Variants in ACSS1 observed in about 807,000 individuals in gnomAD.
The protein encoded by ACSS1 is acetyl-coenzyme A synthetase 2-like, mitochondrial.
ACSS1 carries 42 observed loss-of-function variants against 75.3 expected under a neutral mutation model. That is an observed-to-expected ratio of 0.56 (90% confidence interval 0.44 to 0.72). ACSS1 has a LOEUF of 0.72. ACSS1 is among the 30% of genes least tolerant of loss of function. The pLI is 0.00. For synonymous variants in ACSS1, 380 were observed against 376.8 expected, an observed-to-expected ratio of 1.01 and a Z score of -0.10; for missense variants, 782 against 935.7, an observed-to-expected ratio of 0.84 and a Z score of 2.14.
chr20:25,033,582 C>G (rs552640188), intron 2 of ACSS1, among the ~76,000 whole-genome samples: 1 of 152,380 alleles, frequency 6.6e-6, no homozygotes, highest in Admixed American at 6.5e-5. Context: ...AGCTAACTCA[C>G]TTCAGTGAAT....
At chr20:25,045,924 T>A (rs2089080383) in intron 2 of ACSS1, 1 of 119,910 alleles carries the variant, frequency 8.3e-6, no homozygotes, top group African/African-American at 2.8e-5. Flanking sequence ...CAATTTATTT[T>A]TATTTTTATT....
At position 25,023,634 on chromosome 20, in the gene ACSS1, G is replaced by T; in HGVS notation, c.639C>A (p.Cys213Ter). 2 of 1,603,184 alleles carry T rather than the reference G, an allele frequency of 1.2e-6. No individual in the cohort carries two copies. The highest frequency in any genetic ancestry group is 1.7e-6 in the Non-Finnish European group (2 of 1,174,262). Reference sequence around the variant, plus strand: ...CTTGGTTGAAGGTGATAACCACCTTGCACTTGGCTAACAGAGACAACACAG... The same window carrying T: ...CTTGGTTGAAGGTGATAACCACCTTTCACTTGGCTAACAGAGACAACACAG... The part of the protein sequence containing the change: ...SLAGRINDAK[C>*]KVVITFNQGL... Residue 213 changes from cysteine (C) to a stop codon, truncating the protein, a stop_gained, in exon 4 of 14, where the codon TGC (cysteine) becomes TGA (stop). Transcript: ENST00000323482. LOFTEE classifies it high-confidence loss of function.
At chr20:25,032,740 G>A (rs771543164) in intron 2 of ACSS1, 217 of 1,083,518 alleles carry the variant, frequency 2.0e-4, no homozygotes, top group Admixed American at 3.6e-4. Flanking sequence ...AGGCCACCCG[G>A]GAAACCACAG....
intron 3 of ACSS1, among the ~76,000 whole-genome samples, chr20:25,029,588 C>CA (rs375608084): frequency 2.0e-5 from 3 of 152,014 alleles, no homozygotes; most frequent in South Asian, 2.1e-4. Context: ...TCACAATAGC[C>CA]AAAAAATGGA....
chr20:25,052,455 GT>G (rs1361924882), intron 1 of ACSS1, among the ~76,000 whole-genome samples: 7 of 152,164 alleles, frequency 4.6e-5, no homozygotes, highest in Admixed American at 3.3e-4. Flanking sequence ...ATGCTCCCTG[GT>G]GGTCCCCATT....
intron 1 of ACSS1, among the ~76,000 whole-genome samples, chr20:25,056,138 G>C (rs551952524): frequency 6.6e-6 from 1 of 152,188 alleles, no homozygotes; most frequent in South Asian, 2.1e-4. Context: ...AGGTTCAGAA[G>C]GTCCTTGCTG....
intron 1 of ACSS1, among the ~76,000 whole-genome samples, chr20:25,056,965 G>T (rs1419412759): frequency 6.6e-6 from 1 of 152,190 alleles, no homozygotes. Flanking sequence ...CGCCTTAGGT[G>T]GGGGCGAGGG....
chr20:25,058,044 A>C lies in ACSS1; in HGVS notation c.59T>G (p.Leu20Arg). The C allele has an allele frequency of 1.5e-6, 2 of 1,350,936 alleles. No individual in the cohort carries two copies. Among genetic ancestry groups the C allele is most frequent in the Non-Finnish European group, 1.9e-6 (2 of 1,059,164 alleles). 83.7% of individuals were successfully genotyped at this position (1,350,936 alleles called of 1,614,324 possible). A position where few individuals can be genotyped will look rare whatever the true frequency, so the allele number is the denominator to read the frequency against. ...VGRLLGSLRG[L>R]SGQPARPPCG... ...CGGCGGCCGCGCGGGCTGCCCCGAG[A>C]GCCCTCGCAGGCTGCCCAGCAGCCT... The change falls in exon 1 of 14, where the codon CTC becomes CGC. Residue 20 changes from leucine (L) to arginine (R), a missense_variant. This residue lies in a region of ACSS1 where 377 missense variants were observed against 383.1 expected (regional missense o/e 0.98). Coordinates refer to ENST00000323482, the MANE Select transcript of ACSS1 (RefSeq NM_032501.4).
chr20:25,048,260 G>A (rs1444946462), intron 1 of ACSS1, 79 bp from the exon 2 acceptor site: 43 of 1,283,462 alleles, frequency 3.4e-5, no homozygotes, highest in East Asian at 2.6e-4. Flanking sequence ...GGGTTGGAGC[G>A]GGTCTAGTTT....
intron 2 of ACSS1, among the ~76,000 whole-genome samples, chr20:25,037,001 AAAGAAAGGAAGG>A (rs1418000707): frequency 3.9e-5 from 3 of 76,324 alleles, no homozygotes; most frequent in African/African-American, 8.8e-5. Context: ...AAGAAAGAAG[AAAGAAAGGAAGG>A]AAGGAAGGAA....
intron 3 of ACSS1, among the ~76,000 whole-genome samples, chr20:25,025,871 G>C (rs1466956579): frequency 1.3e-5 from 2 of 152,134 alleles, no homozygotes; most frequent in Non-Finnish European, 2.9e-5. Context: ...GTGCATTAAG[G>C]ATGTGGGATT....
At chr20:25,049,085 C>CA (rs1381503494) in intron 1 of ACSS1, among the ~76,000 whole-genome samples, 1 of 152,026 alleles carries the variant, frequency 6.6e-6, no homozygotes, top group African/African-American at 2.4e-5. Flanking sequence ...AATTACACCT[C>CA]AAAAAATGTA....
intron 1 of ACSS1, among the ~76,000 whole-genome samples, chr20:25,054,035 AC>A (rs2089210773): frequency 6.6e-6 from 1 of 152,240 alleles, no homozygotes; most frequent in African/African-American, 2.4e-5. Context: ...CCCTTTTAGA[AC>A]CTGGCTCTCC....
rs373137534 is a variant in ACSS1, at chr20:25,055,042, C to A, written c.334+2727G>T. Among the ~76,000 whole-genome samples, 99 of 152,342 alleles carry A rather than the reference C, an allele frequency of 6.5e-4. No homozygotes were observed. The South Asian group carries it at 0.02, about 31-fold the overall frequency. On this transcript the variant is annotated intron_variant, in intron 1 of 13. Transcript: ENST00000323482. ...CAGCCCCTTCTGTCTATAAAACCATCCTCCTCTGTTCAGCTCATCAAACAT... is the reference window on the plus strand; with the variant it reads ...CAGCCCCTTCTGTCTATAAAACCATACTCCTCTGTTCAGCTCATCAAACAT...
chr20:25,033,925 A>G (rs2088869388), intron 2 of ACSS1, among the ~76,000 whole-genome samples: 2 of 152,224 alleles, frequency 1.3e-5, no homozygotes, highest in Admixed American at 6.5e-5. Flanking sequence ...GGGAGGGTCT[A>G]GAGACCAGGT....
intron 3 of ACSS1, among the ~76,000 whole-genome samples, chr20:25,029,235 G>A (rs908079899): frequency 6.6e-6 from 1 of 152,182 alleles, no homozygotes; most frequent in African/African-American, 2.4e-5. Flanking sequence ...AGTAGACTTT[G>A]TCCAGTGAAA....
rs780332877 is a variant in ACSS1, at chr20:25,012,817, C to T, written c.1702G>A (p.Ala568Thr). 5.6e-6 allele frequency: 9 copies of T among 1,613,948 alleles called. No individual in the cohort carries two copies. Among genetic ancestry groups the T allele is most frequent in the African/African-American group, 5.3e-5 (4 of 74,926 alleles). The change falls in exon 11 of 14, where the codon GCC (alanine) becomes ACC (threonine). Residue 568 changes from alanine (A) to threonine (T), a missense_variant. Transcript: ENST00000323482. ...GAGGCCCAGCCTGTGCTCACGATGG[C>T]GTCCTCAATCTCTGCGGTCCCCAGC... ...HRLGTAEIED[A>T]IADHPAVPES... is the part of the protein sequence containing the mutation.
At chr20:25,037,561 G>A (rs573405949) in intron 2 of ACSS1, among the ~76,000 whole-genome samples, 122 of 152,298 alleles carry the variant, frequency 8.0e-4, no homozygotes, top group South Asian at 4.6e-3. Flanking sequence ...TCCAAGCACC[G>A]GTGCTGATGG....
rs749578476 is a variant in ACSS1, at chr20:25,057,751, C to T, written c.334+18G>A. The T allele has an allele frequency of 1.3e-6, 2 of 1,538,268 alleles. No individual in the cohort carries two copies. The highest frequency in any genetic ancestry group is 1.4e-5 in the African/African-American group (1 of 72,554). ...CCCAAGAGTTGGGGGCGTCCTGGGTCTCCCGAAGCCCACTCACCAGAGACA... is the reference window on the plus strand; with the variant it reads ...CCCAAGAGTTGGGGGCGTCCTGGGTTTCCCGAAGCCCACTCACCAGAGACA... On this transcript the variant is annotated intron_variant, in intron 1 of 13. Transcript: ENST00000323482.
Sources: allele counts gnomAD v4.1 joint callset (sites outside exome capture counted in the v4.1 genomes callset), GRCh38; gene constraint gnomAD v4.1.1; regional missense constraint gnomAD v4.1.1; transcripts MANE v1.5; gene names NCBI Gene and HGNC (gene_info 2026-07-23, HGNC 2026-07-21).